RPL5: variants seen among roughly 807,000 people sequenced by gnomAD.
RPL5 encodes ribosomal protein L5.
A neutral mutation model predicts 38.4 loss-of-function variants in RPL5; 1 was observed. The ratio of observed to expected loss-of-function variants is 0.03; its 90% CI spans 0.01 to 0.12. RPL5 has a LOEUF of 0.12. Among genes scored for constraint, RPL5 ranks in the 10% least tolerant of loss-of-function variants. The pLI is 1.00. For synonymous variants in RPL5, 109 were observed against 121.2 expected, an observed-to-expected ratio of 0.90 and a Z score of 0.66; for missense variants, 243 against 374.1, an observed-to-expected ratio of 0.65 and a Z score of 2.89.
rs370638728 is a variant in RPL5, at chr1:92,839,080, C to T, written c.705+1447C>T. Reference sequence around the variant, plus strand: ...GAGTTTTAGAACAAAATTGCCCTGGCGGGGCATGGTGGCTCACGCCTGTAA... The same window carrying T: ...GAGTTTTAGAACAAAATTGCCCTGGTGGGGCATGGTGGCTCACGCCTGTAA... On this transcript the variant is annotated intron_variant, in intron 6 of 7. Coordinates refer to ENST00000370321, the MANE Select transcript of RPL5 (RefSeq NM_000969.5). Among the ~76,000 whole-genome samples the T allele has an allele frequency of 3.3e-4, 45 of 137,808 alleles. 2 individuals carry two copies. Among genetic ancestry groups the T allele is most frequent in the African/African-American group, 1.1e-3 (40 of 36,240 alleles). 90.4% of individuals were successfully genotyped at this position (137,808 alleles called of 152,430 possible).
chr1:92,840,028 A>ATTTTTTTTTTTTT (rs1445390931), intron 6 of RPL5, among the ~76,000 whole-genome samples: 1 of 141,208 alleles, frequency 7.1e-6, no homozygotes, highest in Non-Finnish European at 1.5e-5. Context: ...TTTTTTTTTA[A>ATTTTTTTTTTTTT]TTTTTGGTAG....
intron 3 of RPL5, among the ~76,000 whole-genome samples, chr1:92,834,119 G>T (rs921265045): frequency 5.3e-5 from 8 of 152,144 alleles, no homozygotes; most frequent in African/African-American, 1.9e-4. Context: ...GTGGGGTGGG[G>T]AGATTAGAAG....
At chr1:92,839,246 C>T (rs539833033) in intron 6 of RPL5, among the ~76,000 whole-genome samples, 18 of 152,158 alleles carry the variant, frequency 1.2e-4, no homozygotes, top group African/African-American at 3.6e-4. Context: ...GTAATCCCAG[C>T]GACTCGGGAG....
intron 4 of RPL5, 118 bp from the exon 5 acceptor site, chr1:92,836,072 G>A (rs1213470254): frequency 3.3e-6 from 3 of 904,142 alleles, no homozygotes; most frequent in East Asian, 2.4e-5. Context: ...AAGGGTGGGT[G>A]TGGAAGGAAA....
At position 92,840,338 on chromosome 1, in the gene RPL5, T is replaced by G. The variant is rs1687304569; in HGVS notation, c.706-213T>G. 7.9e-6 allele frequency: 4 copies of G among 509,184 alleles called. No homozygotes were observed. In the Admixed American group the frequency reaches 1.3e-4, roughly 16 times the overall value. 31.5% of individuals were successfully genotyped at this position (509,184 alleles called of 1,614,324 possible). A position where few individuals can be genotyped will look rare whatever the true frequency, so the allele number is the denominator to read the frequency against. Reference sequence around the variant, plus strand: ...GATTTTTTTCTTGAGTAAGATGGAGTTCTGTAGTGATAATTCACATTGCAT... The same window carrying G: ...GATTTTTTTCTTGAGTAAGATGGAGGTCTGTAGTGATAATTCACATTGCAT... On this transcript the variant is annotated intron_variant, in intron 6 of 7. Coordinates refer to ENST00000370321, the MANE Select transcript of RPL5 (RefSeq NM_000969.5).
intron 3 of RPL5, 132 bp downstream of exon 3, chr1:92,833,792 T>C (rs1363085577): frequency 4.1e-6 from 3 of 729,438 alleles, no homozygotes; most frequent in Non-Finnish European, 7.0e-6. Flanking sequence ...ATTTTTCCTT[T>C]TAGTAGGTCT....
chr1:92,840,720 T>G, intron 7 of RPL5, 81 bp downstream of exon 7: 1 of 1,023,468 alleles, frequency 9.8e-7, no homozygotes, highest in Non-Finnish European at 1.5e-6. Context: ...GGTGTAATTG[T>G]GCAAACTCGA....
chr1:92,840,030 T>A (rs1332099161), intron 6 of RPL5, among the ~76,000 whole-genome samples: 1 of 151,378 alleles, frequency 6.6e-6, no homozygotes, highest in Non-Finnish European at 1.5e-5. Flanking sequence ...TTTTTTTAAT[T>A]TTTGGTAGAG....
intron 1 of RPL5, chr1:92,832,794 CAGT>C (rs1331536122): frequency 1.8e-6 from 1 of 548,976 alleles, no homozygotes; most frequent in African/African-American, 1.9e-5. Context: ...TGATGGGGAA[CAGT>C]GCTGTTTTAG....
intron 6 of RPL5, among the ~76,000 whole-genome samples, chr1:92,839,269 G>A (rs11587850): frequency 6.6e-6 from 1 of 152,176 alleles, no homozygotes; most frequent in African/African-American, 2.4e-5. Flanking sequence ...TGAGGCAGAA[G>A]AATTGCTTGA....
At chr1:92,841,715 T>A (rs1687370964) in intron 7 of RPL5, 51 bp from the exon 8 acceptor site, 1 of 1,160,822 alleles carries the variant, frequency 8.6e-7, no homozygotes, top group Non-Finnish European at 1.2e-6. Flanking sequence ...AATTAAATAT[T>A]CTATTCTCTT....
At chr1:92,832,614 T>C in intron 1 of RPL5, 1 of 302,294 alleles carries the variant, frequency 3.3e-6, no homozygotes, top group South Asian at 4.6e-5. Context: ...AGCAAGTGGC[T>C]TTTAAGCCAA....
chr1:92,833,124 T>C (rs2100675544), intron 1 of RPL5: 6 of 680,292 alleles, frequency 8.8e-6, no homozygotes, highest in Middle Eastern at 4.8e-4. Flanking sequence ...TGTAATAAAT[T>C]GGGGCCTGCA....
intron 7 of RPL5, among the ~76,000 whole-genome samples, chr1:92,841,106 C>T (rs891851281): frequency 6.6e-6 from 1 of 152,204 alleles, no homozygotes. Flanking sequence ...ATTCTATATT[C>T]ATCATGCTGT....
At position 92,841,806 on chromosome 1, in the gene RPL5, C is replaced by T. The variant is rs757574773; in HGVS notation, c.835C>T (p.Arg279Trp). The T allele has an allele frequency of 3.1e-6, 5 of 1,611,710 alleles. No homozygotes were observed. The highest frequency in any genetic ancestry group is 1.7e-5 in the Admixed American group (1 of 59,994). ...PKMSLAQKKDRVAQKKASFLR... is the reference protein window; with the variant it reads ...PKMSLAQKKDWVAQKKASFLR... The stretch of plus-strand genomic sequence containing the variant: ...AATGTCCCTTGCTCAGAAGAAGGAT[C>T]GGGTAGCTCAAAAGAAGGCAAGCTT... Residue 279 changes from arginine (R) to tryptophan (W), a missense_variant, in exon 8 of 8, where the codon CGG becomes TGG. Transcript: ENST00000370321.
chr1:92,840,903 A>ATCTT (rs1687337565), intron 7 of RPL5: 1 of 578,066 alleles, frequency 1.7e-6, no homozygotes, highest in Non-Finnish European at 3.3e-6. Flanking sequence ...CTTTTTGTTG[A>ATCTT]TCTTTCATGT....
chr1:92,835,648 G>A (rs1045064171), intron 4 of RPL5, among the ~76,000 whole-genome samples: 19 of 106,642 alleles, frequency 1.8e-4, no homozygotes, highest in Non-Finnish European at 1.6e-4. Context: ...CAACAAGAGC[G>A]AAACTGTGTC....
chr1:92,834,796 A>G lies in RPL5; in HGVS notation c.207A>G (p.Ile69Met), dbSNP rs1357227822. ...TACTATAGATTGCTTATGCCCGTAT[A>G]GAGGGGGATATGATAGTCTGCGCAG... ...DIICQIAYARIEGDMIVCAAY... is the reference protein window; with the variant it reads ...DIICQIAYARMEGDMIVCAAY... The change falls in exon 4 of 8, where the codon ATA becomes ATG. Residue 69 changes from isoleucine (I) to methionine (M), a missense_variant. Coordinates refer to ENST00000370321, the MANE Select transcript of RPL5 (RefSeq NM_000969.5). The G allele has an allele frequency of 2.5e-6, 4 of 1,613,436 alleles. No homozygotes were observed. Among genetic ancestry groups the G allele is most frequent in the Non-Finnish European group, 3.4e-6 (4 of 1,179,894 alleles).
At position 92,833,814 on chromosome 1, in the gene RPL5, C is replaced by CT. The variant is rs1162380977; in HGVS notation, c.189+155dup. ...CTTTTAGTAGGTCTAGAATTGGAAC[C>CT]TGGGAACTTGGTACTTTAAAAAATG... On this transcript the variant is annotated intron_variant, in intron 3 of 7. Coordinates refer to ENST00000370321, the MANE Select transcript of RPL5 (RefSeq NM_000969.5). The CT allele has an allele frequency of 7.7e-6, 5 of 646,474 alleles. No individual in the cohort carries two copies. The East Asian group carries it at 1.4e-4, about 18-fold the overall frequency. 40.0% of individuals were successfully genotyped at this position (646,474 alleles called of 1,614,324 possible). A position where few individuals can be genotyped will look rare whatever the true frequency, so the allele number is the denominator to read the frequency against.
Sources: gnomAD v4.1 joint callset for allele counts (sites outside exome capture counted in the v4.1 genomes callset) on GRCh38, gnomAD v4.1.1 for gene constraint, MANE v1.5 for transcripts, NCBI Gene and HGNC (gene_info 2026-07-23, HGNC 2026-07-21) for gene names.